Variants in SH3GLB1 observed in about 807,000 individuals in gnomAD.
SH3GLB1 encodes endophilin-B1.
In SH3GLB1, 17 loss-of-function variants were observed where a neutral mutation model predicts 42.0. That is an observed-to-expected ratio of 0.40 (90% CI 0.28 to 0.61). The LOEUF (loss-of-function observed/expected upper bound fraction) is 0.61, where lower values mean the gene tolerates loss of function less well. Among genes scored for constraint, SH3GLB1 ranks in the 20% least tolerant of loss-of-function variants. The probability of loss-of-function intolerance (pLI) is 0.36; values close to 1 mark genes in which losing one functional copy is unlikely to be tolerated. For synonymous variants in SH3GLB1, 132 were observed against 146.6 expected (o/e 0.90, Z 0.72); for missense variants, 355 against 426.3 (o/e 0.83, Z 1.47).
chr1:86,715,042 C>G (rs1254001949), intron 1 of SH3GLB1, among the ~76,000 whole-genome samples: 1 of 152,126 alleles, frequency 6.6e-6, no homozygotes, highest in Non-Finnish European at 1.5e-5. Context: ...AAAAGTTAGT[C>G]TATAAATAAA....
intron 7 of SH3GLB1, among the ~76,000 whole-genome samples, chr1:86,741,644 A>G (rs937708999): frequency 1.3e-5 from 2 of 152,314 alleles, no homozygotes; most frequent in Middle Eastern, 3.4e-3. Flanking sequence ...AGGGAATAGT[A>G]TCATTTCATC....
chr1:86,714,252 T>C (rs1654382964), intron 1 of SH3GLB1, among the ~76,000 whole-genome samples: 1 of 152,198 alleles, frequency 6.6e-6, no homozygotes, highest in Non-Finnish European at 1.5e-5. Context: ...TTGCTTAGAA[T>C]CTTCAGGGAT....
chr1:86,734,545 G>A, intron 5 of SH3GLB1, 57 bp from the exon 6 acceptor site: 1 of 1,219,536 alleles, frequency 8.2e-7, no homozygotes, highest in Non-Finnish European at 1.2e-6. Context: ...TAAAATAAAT[G>A]TATATAAGAT....
At chr1:86,730,137 T>C in intron 5 of SH3GLB1, 1 of 1,582,398 alleles carries the variant, frequency 6.3e-7, no homozygotes. Flanking sequence ...AATACAGAAC[T>C]ATGAAACAAG....
At chr1:86,731,223 T>A (rs184304481) in intron 5 of SH3GLB1, among the ~76,000 whole-genome samples, 42 of 152,366 alleles carry the variant, frequency 2.8e-4, no homozygotes, top group Non-Finnish European at 4.7e-4. Context: ...TTCATTTACT[T>A]CTTATGTTTA....
chr1:86,714,741 C>T (rs1487964368), intron 1 of SH3GLB1, among the ~76,000 whole-genome samples: 2 of 152,096 alleles, frequency 1.3e-5, no homozygotes, highest in African/African-American at 2.4e-5. Context: ...TTACTGAGCA[C>T]AGAATTAATG....
chr1:86,722,510 A>G (rs773881032), intron 3 of SH3GLB1, 30 bp from the exon 4 acceptor site: 1 of 1,551,202 alleles, frequency 6.4e-7, no homozygotes, highest in South Asian at 1.2e-5. Flanking sequence ...TTACCAGACA[A>G]TGATTTTTAA....
At position 86,744,711 on chromosome 1, in the gene SH3GLB1, C is replaced by T. The variant is rs955169716; in HGVS notation, c.*1476C>T. 4 of 152,322 alleles carry T rather than the reference C, an allele frequency of 2.6e-5. No individual in the cohort carries two copies. Among genetic ancestry groups the T allele is most frequent in the Admixed American group, 2.6e-4 (4 of 15,304 alleles). The allele number at this position is 152,322 out of a possible 1,614,324, so 9.4% of individuals were successfully genotyped here. A position where few individuals can be genotyped will look rare whatever the true frequency, so the allele number is the denominator to read the frequency against. ...TTTGGTACTTTTAAAAAAATGAATA[C>T]TTAAACACCGTTTTAAAATTTTGTG... On this transcript the variant is annotated 3_prime_UTR_variant, in exon 9 of 9. Transcript: ENST00000370558.
At chr1:86,714,892 C>T (rs1208302360) in intron 1 of SH3GLB1, among the ~76,000 whole-genome samples, 1 of 152,174 alleles carries the variant, frequency 6.6e-6, no homozygotes, top group African/African-American at 2.4e-5. Context: ...AATCTTTTTA[C>T]TGCTTTATTA....
chr1:86,746,240 T>C lies in SH3GLB1; in HGVS notation c.*3005T>C, dbSNP rs1175924602. The C allele has an allele frequency of 1.3e-5, 2 of 152,334 alleles. No homozygotes were observed. The highest frequency in any genetic ancestry group is 2.9e-5 in the Non-Finnish European group (2 of 68,048). 9.4% of individuals were successfully genotyped at this position (152,334 alleles called of 1,614,324 possible). ...TTGGGGAAACATTTCTGGGATAAACTGTGGAGTGGAGAAGACAATGGAGGG... is the reference window on the plus strand; with the variant it reads ...TTGGGGAAACATTTCTGGGATAAACCGTGGAGTGGAGAAGACAATGGAGGG... On this transcript the variant is annotated 3_prime_UTR_variant, in exon 9 of 9. Coordinates refer to ENST00000370558, the MANE Select transcript of SH3GLB1 (RefSeq NM_016009.5).
rs1289579347 is a variant in SH3GLB1 at position 86,744,931 on chromosome 1, G to T, written c.*1696G>T. The T allele has an allele frequency of 6.6e-6, 1 of 152,152 alleles. No homozygotes were observed. Among genetic ancestry groups the T allele is most frequent in the African/African-American group, 2.4e-5 (1 of 41,440 alleles). 9.4% of individuals were successfully genotyped at this position (152,152 alleles called of 1,614,324 possible). On this transcript the variant is annotated 3_prime_UTR_variant, in exon 9 of 9. Coordinates refer to ENST00000370558, the MANE Select transcript of SH3GLB1 (RefSeq NM_016009.5). ...AAACCCTGAAAAGCTGCTCAAGCTG[G>T]TCAGTTTTCTGTAAAACCAAGTAAA...
chr1:86,710,086 A>G (rs1654110448), intron 1 of SH3GLB1, among the ~76,000 whole-genome samples: 1 of 152,224 alleles, frequency 6.6e-6, no homozygotes, highest in African/African-American at 2.4e-5. Context: ...TAAAAACTCT[A>G]CATGTTTAGT....
chr1:86,728,539 TG>T, intron 5 of SH3GLB1: 2 of 1,096,436 alleles, frequency 1.8e-6, no homozygotes, highest in South Asian at 1.6e-5. Context: ...TGCCTTCTCT[TG>T]CTATTAGCCG....
intron 1 of SH3GLB1, 140 bp downstream of exon 1, chr1:86,705,111 GCCTGGTCCCCTC>G (rs1175298887): frequency 1.8e-6 from 1 of 549,614 alleles, no homozygotes; most frequent in Admixed American, 4.3e-5. Context: ...GATGGGCGCG[GCCTGGTCCCCTC>G]CCCGGGCCCG....
intron 1 of SH3GLB1, among the ~76,000 whole-genome samples, chr1:86,713,190 ATGGAGTGCAG>A (rs887119263): frequency 1.3e-5 from 2 of 151,964 alleles, no homozygotes; most frequent in African/African-American, 4.8e-5. Flanking sequence ...GTCACCCAGA[ATGGAGTGCAG>A]TGGAGTGCAG....
intron 5 of SH3GLB1, among the ~76,000 whole-genome samples, chr1:86,724,885 A>AT (rs1468075833): frequency 1.1e-4 from 14 of 124,384 alleles, no homozygotes; most frequent in African/African-American, 5.4e-4. Context: ...AAAAAAAAAA[A>AT]AAAAAAAATA....
chr1:86,704,994 A>G (rs1370960584), intron 1 of SH3GLB1, 23 bp downstream of exon 1: 4 of 1,525,034 alleles, frequency 2.6e-6, no homozygotes, highest in African/African-American at 1.4e-5. Flanking sequence ...TGGGGGGAAA[A>G]GGGGTGGCGG....
intron 5 of SH3GLB1, 139 bp downstream of exon 5, chr1:86,724,544 A>G (rs1655049223): frequency 2.9e-6 from 2 of 683,184 alleles, no homozygotes; most frequent in Non-Finnish European, 4.9e-6. Context: ...AGAACTTAAT[A>G]CATCCAAATC....
intron 7 of SH3GLB1, among the ~76,000 whole-genome samples, chr1:86,738,391 G>A (rs1482006870): frequency 6.6e-6 from 1 of 151,010 alleles, no homozygotes; most frequent in East Asian, 2.0e-4. Flanking sequence ...TCAGCCACCC[G>A]AGTAGCGGGG....
Sources: gnomAD v4.1 joint callset for allele counts (sites outside exome capture counted in the v4.1 genomes callset) on GRCh38, gnomAD v4.1.1 for gene constraint, MANE v1.5 for transcripts, NCBI Gene and HGNC (gene_info 2026-07-23, HGNC 2026-07-21) for gene names.